ZFAND2A: variants seen among roughly 807,000 people sequenced by gnomAD.
ZFAND2A encodes the protein AN1-type zinc finger protein 2A.
In ZFAND2A, 20 loss-of-function variants were observed where a neutral mutation model predicts 11.6. That is an observed-to-expected ratio of 1.72 (90% confidence interval 1.21 to 2.50). The LOEUF is 2.50. ZFAND2A is among the 30% of genes most tolerant of loss of function. The probability of loss-of-function intolerance (pLI) is 0.00; values close to 1 mark genes in which losing one functional copy is unlikely to be tolerated. For missense variants in ZFAND2A, 234 were observed against 182.9 expected, an observed-to-expected ratio of 1.28 and a Z score of -1.61; for synonymous variants, 93 against 60.6, an observed-to-expected ratio of 1.54 and a Z score of -2.48.
rs1793564483 is a variant in ZFAND2A, at chr7:1,157,734, T to C, written c.72A>G (p.Lys24=). Residue 24 remains lysine, a synonymous_variant, in exon 3 of 5, where the codon AAA becomes AAG. Coordinates refer to ENST00000316495, the MANE Select transcript of ZFAND2A (RefSeq NM_182491.4). ...AGAAATCTTGTTTACATGCATCACA[T>C]TTTACTGGAAGAAAATCTAAAAAAC... The part of the protein sequence containing the change: ...TCKQLDFLPV[K]CDACKQDFCK... 1.3e-6 allele frequency: 2 copies of C among 1,555,550 alleles called. No homozygotes were observed. The highest frequency in any genetic ancestry group is 8.7e-7 in the Non-Finnish European group (1 of 1,154,998).
chr7:1,155,084 C>T (rs1793490331), intron 4 of ZFAND2A, among the ~76,000 whole-genome samples: 2 of 152,198 alleles, frequency 1.3e-5, no homozygotes, highest in Admixed American at 1.3e-4. Flanking sequence ...CACCATTCAC[C>T]ATGGCACTCC....
chr7:1,156,625 G>C (rs1197904125), intron 3 of ZFAND2A, among the ~76,000 whole-genome samples: 1 of 152,186 alleles, frequency 6.6e-6, no homozygotes, highest in Non-Finnish European at 1.5e-5. Flanking sequence ...CGCCCAGCAT[G>C]GCTAAAAACC....
intron 3 of ZFAND2A, among the ~76,000 whole-genome samples, chr7:1,155,933 C>T (rs912388841): frequency 2.0e-4 from 30 of 152,242 alleles, no homozygotes; most frequent in African/African-American, 7.0e-4. Flanking sequence ...CCACAAAGAC[C>T]CTCCAGCTCC....
In ZFAND2A at chr7:1,157,705, T is replaced by C. The variant is rs1793562985; in HGVS notation, c.101A>G (p.Lys34Arg). The C allele has an allele frequency of 2.6e-6, 4 of 1,562,696 alleles. No individual in the cohort carries two copies. The highest frequency in any genetic ancestry group is 3.5e-6 in the Non-Finnish European group (4 of 1,158,298). Reference protein sequence around the residue: ...KCDACKQDFCKDHFPYAAHKC... With the variant: ...KCDACKQDFCRDHFPYAAHKC... ...ATGTGCAGCGTATGGAAAATGATCT[T>C]TACAGAAATCTTGTTTACATGCATC... is the stretch of plus-strand genomic sequence containing the variant. Residue 34 changes from lysine (K) to arginine (R), a missense_variant, in exon 3 of 5, where the codon AAA becomes AGA. Lys to Arg is a conservative substitution (Grantham distance 26). Transcript: ENST00000316495.
chr7:1,151,308 C>G (rs1793393306), downstream of ZFAND2A, among the ~76,000 whole-genome samples: 1 of 152,182 alleles, frequency 6.6e-6, no homozygotes, highest in South Asian at 2.1e-4. Context: ...GCTGTGCCCT[C>G]AAACAATGCG....
downstream of ZFAND2A, among the ~76,000 whole-genome samples, chr7:1,149,023 T>A (rs564444171): frequency 5.3e-5 from 8 of 152,004 alleles, 1 homozygote; most frequent in South Asian, 1.7e-3. Flanking sequence ...ATCTCAAACA[T>A]CTGGGCTCAA....
rs1226122563 is a variant in ZFAND2A, at chr7:1,160,089, G to A, written c.-171C>T. On this transcript the variant is annotated 5_prime_UTR_variant, in exon 1 of 5. Coordinates refer to ENST00000316495, the MANE Select transcript of ZFAND2A (RefSeq NM_182491.4). ...GAAAGAACCTCGACACTGGCACCGA[G>A]ACGCCGTCGGAGGCACACCCACACC... 9 of 153,156 alleles carry A rather than the reference G, an allele frequency of 5.9e-5. No individual in the cohort carries two copies. The East Asian group carries it at 1.7e-3, about 30-fold the overall frequency. The allele number at this position is 153,156 out of a possible 1,614,324, so 9.5% of individuals were successfully genotyped here.
At chr7:1,155,364 T>G in intron 4 of ZFAND2A, 89 bp downstream of exon 4, 1 of 1,545,320 alleles carries the variant, frequency 6.5e-7, no homozygotes. Flanking sequence ...CATAAACTAT[T>G]GGGAGTAATT....
chr7:1,152,806 C>G (rs746641375), downstream of ZFAND2A: 18 of 584,074 alleles, frequency 3.1e-5, no homozygotes, highest in Non-Finnish European at 5.3e-5. Flanking sequence ...GCGCCTGGAC[C>G]TCCAGCCCCC....
intron 1 of ZFAND2A, 42 bp from the exon 2 acceptor site, chr7:1,158,299 C>T: frequency 8.5e-7 from 1 of 1,178,974 alleles, no homozygotes; most frequent in East Asian, 2.4e-5. Context: ...GCTGGACTGC[C>T]CTTCAGTCAC....
downstream of ZFAND2A, among the ~76,000 whole-genome samples, chr7:1,151,294 C>A (rs541204574): frequency 7.4e-4 from 113 of 152,272 alleles, no homozygotes; most frequent in African/African-American, 2.4e-3. Flanking sequence ...GGAACGGGCA[C>A]GCAGCTGTGC....
chr7:1,155,316 G>C (rs560115599), intron 4 of ZFAND2A, 137 bp downstream of exon 4: 1 of 1,237,220 alleles, frequency 8.1e-7, no homozygotes, highest in African/African-American at 1.5e-5. Flanking sequence ...TTAGGACAGG[G>C]ATAACGCAGC....
At chr7:1,154,173 C>T (rs1467064197) in intron 4 of ZFAND2A, among the ~76,000 whole-genome samples, 1 of 150,266 alleles carries the variant, frequency 6.7e-6, no homozygotes, top group Non-Finnish European at 1.5e-5. Flanking sequence ...TGTCCCAGTA[C>T]CCACCGGTCA....
intron 4 of ZFAND2A, 157 bp from the exon 5 acceptor site, chr7:1,153,381 C>G (rs1563159659): frequency 1.3e-6 from 1 of 742,132 alleles, no homozygotes; most frequent in Non-Finnish European, 2.1e-6. Flanking sequence ...GTACCTGGTA[C>G]TACAGGCACA....
chr7:1,156,150 A>G (rs934393238), intron 3 of ZFAND2A, among the ~76,000 whole-genome samples: 3 of 127,572 alleles, frequency 2.4e-5, no homozygotes, highest in Non-Finnish European at 4.8e-5. Context: ...GGGGCTCCGA[A>G]GGGGTGGACT....
At position 1,157,737 on chromosome 7, in the gene ZFAND2A, T is replaced by C; in HGVS notation, c.69A>G (p.Val23=). Residue 23 remains valine, a synonymous_variant, in exon 3 of 5, where the codon GTA becomes GTG. Coordinates refer to ENST00000316495, the MANE Select transcript of ZFAND2A (RefSeq NM_182491.4). The part of the protein sequence containing the change: ...KTCKQLDFLP[V]KCDACKQDFC... ...AATCTTGTTTACATGCATCACATTT[T>C]ACTGGAAGAAAATCTAAAAAACAAA... 1 of 1,555,158 alleles carries C rather than the reference T, an allele frequency of 6.4e-7. No homozygotes were observed. Among genetic ancestry groups the C allele is most frequent in the Non-Finnish European group, 8.7e-7 (1 of 1,154,796 alleles).
downstream of ZFAND2A, chr7:1,152,453 C>T (rs1563159029): frequency 9.2e-6 from 12 of 1,298,162 alleles, no homozygotes; most frequent in East Asian, 1.0e-4. Flanking sequence ...GGGATGGACG[C>T]CAGACACCAC....
chr7:1,149,357 T>G (rs554424050), downstream of ZFAND2A, among the ~76,000 whole-genome samples: 1 of 152,144 alleles, frequency 6.6e-6, no homozygotes, highest in Non-Finnish European at 1.5e-5. Flanking sequence ...AAGTGGCTTG[T>G]CCAAGTGCAG....
downstream of ZFAND2A, among the ~76,000 whole-genome samples, chr7:1,150,887 C>CTTTTTTTTT (rs10568309): frequency 1.7e-4 from 22 of 128,092 alleles, no homozygotes; most frequent in African/African-American, 5.6e-4. Context: ...ACAACTGTGC[C>CTTTTTTTTT]TTTTTTTTTT....
Sources: gnomAD v4.1 joint callset for allele counts (sites outside exome capture counted in the v4.1 genomes callset) on GRCh38, gnomAD v4.1.1 for gene constraint, MANE v1.5 for transcripts, NCBI Gene and HGNC (gene_info 2026-07-23, HGNC 2026-07-21) for gene names.